The following SCN8A variants were observed in gnomAD, a reference collection of about 807,000 sequenced individuals.
SCN8A encodes the protein sodium channel protein type 8 subunit alpha.
In SCN8A, 30 loss-of-function variants were observed where a neutral mutation model predicts 184.1. The ratio of observed to expected loss-of-function variants is 0.16; its 90% CI spans 0.12 to 0.22. SCN8A has a LOEUF of 0.22. Among genes scored for constraint, SCN8A ranks in the 10% least tolerant of loss-of-function variants. The pLI is 1.00. For synonymous variants in SCN8A, 852 were observed against 907.0 expected (o/e 0.94, Z 1.09); for missense variants, 1,057 against 2,498.9 (o/e 0.42, Z 12.30).
intron 2 of SCN8A, among the ~76,000 whole-genome samples, chr12:51,667,195 G>T (rs1941048824): frequency 2.0e-5 from 3 of 152,050 alleles, no homozygotes; most frequent in African/African-American, 7.2e-5. Context: ...CTATCTCCCT[G>T]CACAGGCAAC....
intron 12 of SCN8A, among the ~76,000 whole-genome samples, chr12:51,726,610 G>C (rs1942159000): frequency 6.6e-6 from 1 of 152,128 alleles, no homozygotes; most frequent in African/African-American, 2.4e-5. Flanking sequence ...TCTGTAAAAA[G>C]AGATAAAAGG....
Position 51,770,524 on chromosome 12 carries a change from G to A in SCN8A, c.3491-5G>A. On this transcript the variant is annotated splice_region_variant and splice_polypyrimidine_tract_variant and intron_variant, in intron 18 of 26. Transcript: ENST00000627620. Reference sequence around the variant, plus strand: ...GGTCTGACCCGCCTCTCCCGCTGGTGCCAGGTTGTGTCCAGCGGTTCAAGT... The same window carrying A: ...GGTCTGACCCGCCTCTCCCGCTGGTACCAGGTTGTGTCCAGCGGTTCAAGT... The A allele has an allele frequency of 1.1e-5, 18 of 1,593,874 alleles. No homozygotes were observed. The highest frequency in any genetic ancestry group is 1.2e-5 in the Non-Finnish European group (14 of 1,168,898).
At chr12:51,744,324 G>A (rs752937537) in intron 12 of SCN8A, among the ~76,000 whole-genome samples, 9 of 152,268 alleles carry the variant, frequency 5.9e-5, no homozygotes, top group Non-Finnish European at 1.2e-4. Context: ...AAACCTTAGA[G>A]ATTTGCCTGA....
intron 10 of SCN8A, among the ~76,000 whole-genome samples, chr12:51,706,073 A>T (rs531617804): frequency 6.6e-6 from 1 of 152,354 alleles, no homozygotes; most frequent in Admixed American, 6.5e-5. Flanking sequence ...TCTCATCCTT[A>T]TCTAAATGTA....
At chr12:51,691,919 T>C (rs1454471682) in intron 6 of SCN8A, among the ~76,000 whole-genome samples, 1 of 152,234 alleles carries the variant, frequency 6.6e-6, no homozygotes, top group African/African-American at 2.4e-5. Context: ...TATTCCTACC[T>C]GCCTGCTATG....
chr12:51,677,172 C>T (rs893017557), intron 2 of SCN8A, among the ~76,000 whole-genome samples: 1 of 151,772 alleles, frequency 6.6e-6, no homozygotes, highest in African/African-American at 2.4e-5. Flanking sequence ...CAGTTTCAAC[C>T]TCCTAGGCTC....
intron 1 of SCN8A, among the ~76,000 whole-genome samples, chr12:51,630,616 T>C (rs901575575): frequency 2.6e-5 from 4 of 152,178 alleles, no homozygotes; most frequent in Non-Finnish European, 4.4e-5. Context: ...ATGATGCTTC[T>C]TCCACAGCAT....
At chr12:51,689,624 A>C (rs1237488506) in intron 6 of SCN8A, 1 of 154,402 alleles carries the variant, frequency 6.5e-6, no homozygotes, top group Non-Finnish European at 1.4e-5. Flanking sequence ...GAGTTAGTGA[A>C]CTGCACTTAA....
At chr12:51,657,067 A>G (rs752550332) in intron 1 of SCN8A, among the ~76,000 whole-genome samples, 5 of 152,154 alleles carry the variant, frequency 3.3e-5, no homozygotes, top group Non-Finnish European at 5.9e-5. Flanking sequence ...TGCACTGTTC[A>G]TAGTAGTCGA....
In SCN8A at chr12:51,756,298, C is replaced by G. The variant is rs556494315; in HGVS notation, c.2370+4705C>G. The stretch of plus-strand genomic sequence containing the variant: ...GCGACATCCTCCTCACCCTGATGAG[C>G]TCTCACACCCTCACTGTCCACCTCC... On this transcript the variant is annotated intron_variant, in intron 14 of 26. Transcript: ENST00000627620. Among the ~76,000 whole-genome samples the G allele has an allele frequency of 1.6e-3, 247 of 152,280 alleles. 1 individual carries two copies. Among genetic ancestry groups the G allele is most frequent in the African/African-American group, 5.8e-3 (240 of 41,548 alleles).
intron 11 of SCN8A, among the ~76,000 whole-genome samples, chr12:51,716,032 G>T (rs192365679): frequency 1.8e-4 from 28 of 152,296 alleles, no homozygotes; most frequent in African/African-American, 5.8e-4. Context: ...ATAAAGAACT[G>T]TTGTAAAAAG....
intron 6 of SCN8A, chr12:51,689,714 G>T (rs1011170024): frequency 6.6e-6 from 1 of 151,970 alleles, no homozygotes; most frequent in Non-Finnish European, 1.5e-5. Flanking sequence ...ACATATTCAG[G>T]GTTCATTCTC....
intron 14 of SCN8A, among the ~76,000 whole-genome samples, chr12:51,760,440 T>C (rs539001810): frequency 1.3e-5 from 2 of 152,332 alleles, no homozygotes; most frequent in South Asian, 4.1e-4. Context: ...CACATAACTA[T>C]GTCATTGTTG....
chr12:51,655,243 G>A (rs1040964052), intron 1 of SCN8A, among the ~76,000 whole-genome samples: 1 of 152,098 alleles, frequency 6.6e-6, no homozygotes, highest in South Asian at 2.1e-4. Flanking sequence ...CCTCCTAGAT[G>A]ACTTCTCTTC....
intron 14 of SCN8A, among the ~76,000 whole-genome samples, chr12:51,753,009 C>T (rs921375190): frequency 2.0e-5 from 3 of 152,010 alleles, no homozygotes; most frequent in East Asian, 1.9e-4. Flanking sequence ...GCTTTTTCAC[C>T]TATCCCCACT....
chr12:51,721,456 G>C, intron 11 of SCN8A, 90 bp from the exon 12 acceptor site: 1 of 1,381,490 alleles, frequency 7.2e-7, no homozygotes, highest in Non-Finnish European at 9.7e-7. Context: ...GGTGGGGCCG[G>C]CTGGGAACCT....
chr12:51,645,733 T>C (rs1940569945), intron 1 of SCN8A, among the ~76,000 whole-genome samples: 2 of 149,230 alleles, frequency 1.3e-5, no homozygotes, highest in Admixed American at 6.7e-5. Context: ...ATGTGCTTTG[T>C]TAAACAGATG....
At chr12:51,752,035 C>G (rs1355275711) in intron 14 of SCN8A, among the ~76,000 whole-genome samples, 2 of 152,130 alleles carry the variant, frequency 1.3e-5, no homozygotes, top group Non-Finnish European at 2.9e-5. Flanking sequence ...TTTGCCTGCT[C>G]TGTCAGGCCT....
intron 2 of SCN8A, among the ~76,000 whole-genome samples, chr12:51,670,962 A>G (rs778857973): frequency 3.3e-5 from 5 of 152,178 alleles, no homozygotes; most frequent in Non-Finnish European, 7.4e-5. Context: ...AACACATAAC[A>G]AACAAATACG....
Sources: allele counts gnomAD v4.1 joint callset (sites outside exome capture counted in the v4.1 genomes callset), GRCh38; gene constraint gnomAD v4.1.1; transcripts MANE v1.5; gene names NCBI Gene and HGNC (gene_info 2026-07-23, HGNC 2026-07-21).